VASP: variants seen among roughly 807,000 people sequenced by gnomAD.
VASP encodes the protein vasodilator stimulated phosphoprotein, also known as vasodilator-stimulated phosphoprotein.
A neutral mutation model predicts 54.4 loss-of-function variants in VASP; 27 were observed. The ratio of observed to expected loss-of-function variants is 0.50; its 90% confidence interval spans 0.37 to 0.68. The LOEUF (loss-of-function observed/expected upper bound fraction) is 0.68. Ranked by LOEUF, VASP falls within the 30% of genes least tolerant of loss-of-function variation. The pLI is 0.00. For synonymous variants in VASP, 233 were observed against 209.8 expected (o/e 1.11, Z -0.96); for missense variants, 488 against 528.3 (o/e 0.92, Z 0.75).
intron 11 of VASP, 30 bp from the exon 12 acceptor site, chr19:45,525,916 T>A: frequency 6.2e-7 from 1 of 1,600,546 alleles, no homozygotes; most frequent in Non-Finnish European, 8.5e-7. Flanking sequence ...CGGTACCCCC[T>A]CCTGATTAGT....
rs906334210 is a variant in VASP, at chr19:45,526,288, C to T, written c.*111C>T. 1.6e-5 allele frequency: 21 copies of T among 1,291,472 alleles called. No homozygotes were observed. Among genetic ancestry groups the T allele is most frequent in the South Asian group, 1.2e-4 (8 of 65,900 alleles). 80.0% of individuals were successfully genotyped at this position (1,291,472 alleles called of 1,614,324 possible). On this transcript the variant is annotated 3_prime_UTR_variant, in exon 13 of 13. Transcript: ENST00000245932. ...GGCTGAAGACTACACAGGAATGCAT[C>T]GTTCCCACTCCCCATCCCACTTGGA...
At position 45,517,846 on chromosome 19, in the gene VASP, C is replaced by T. The variant is rs372063232; in HGVS notation, c.177+12C>T. 4.0e-4 allele frequency: 645 copies of T among 1,611,750 alleles called. 1 individual carries two copies. In the African/African-American group the frequency reaches 5.2e-3, roughly 13 times the overall value. ...AGCCCGACCAGCAGGTGCAGCTTCC[C>T]GCCGGCCCCCTCTGTGGGCTGAACC... is the stretch of plus-strand genomic sequence containing the variant. On this transcript the variant is annotated intron_variant, in intron 2 of 12. Coordinates refer to ENST00000245932, the MANE Select transcript of VASP (RefSeq NM_003370.4).
rs571015875 is a variant in VASP, at chr19:45,517,761, G to T, written c.104G>T (p.Arg35Leu). Residue 35 changes from arginine (R) to leucine (L), a missense_variant, in exon 2 of 13, where the codon CGC (arginine) becomes CTC (leucine). By Grantham distance (102) the Arg-to-Leu change is moderately radical. Transcript: ENST00000245932. ...PAGTGPQAFS[R>L]VQIYHNPTAN... ...GGCACGGGTCCCCAGGCCTTCAGCC[G>T]CGTCCAGATCTACCACAACCCCACG... The T allele has an allele frequency of 6.2e-7, 1 of 1,613,552 alleles. No individual in the cohort carries two copies. The highest frequency in any genetic ancestry group is 8.5e-7 in the Non-Finnish European group (1 of 1,180,028).
chr19:45,517,091 G>C (rs1968719350), intron 1 of VASP, among the ~76,000 whole-genome samples: 1 of 150,732 alleles, frequency 6.6e-6, no homozygotes, highest in Admixed American at 6.6e-5. Context: ...TCAGGAGGTC[G>C]AGGCCACATT....
At chr19:45,525,924 A>G (rs764818279) in intron 11 of VASP, 22 bp from the exon 12 acceptor site, 2 of 1,603,424 alleles carry the variant, frequency 1.2e-6, no homozygotes, top group Non-Finnish European at 1.7e-6. Context: ...CCTCCTGATT[A>G]GTTTTACCCC....
At chr19:45,522,862 C>A in intron 7 of VASP, 44 bp downstream of exon 7, 1 of 1,558,012 alleles carries the variant, frequency 6.4e-7, no homozygotes, top group South Asian at 1.2e-5. Context: ...AGTTCCAGTT[C>A]AGTAGGGCCC....
At chr19:45,510,532 G>A (rs1486008193) in intron 1 of VASP, among the ~76,000 whole-genome samples, 1 of 152,004 alleles carries the variant, frequency 6.6e-6, no homozygotes, top group Non-Finnish European at 1.5e-5. Flanking sequence ...GGCCCCTCAT[G>A]GCAGTTCGAA....
rs971515672 is a variant in VASP at position 45,521,217 on chromosome 19, C to T, written c.344-105C>T. ...AGGGCCTCTGGAAGGAGGAAGTGAG[C>T]GCCTCTGGGCAGGATTCCTGGGAGG... On this transcript the variant is annotated intron_variant, in intron 3 of 12. Coordinates refer to ENST00000245932, the MANE Select transcript of VASP (RefSeq NM_003370.4). 250 of 1,142,576 alleles carry T rather than the reference C, an allele frequency of 2.2e-4. 1 individual carries two copies. In the Admixed American group the frequency reaches 3.3e-3, roughly 15 times the overall value. 70.8% of individuals were successfully genotyped at this position (1,142,576 alleles called of 1,614,324 possible). A position where few individuals can be genotyped will look rare whatever the true frequency, so the allele number is the denominator to read the frequency against.
At position 45,526,145 on chromosome 19, in the gene VASP, G is replaced by C. The variant is rs144238584; in HGVS notation, c.1111G>C (p.Val371Leu). The change falls in exon 13 of 13, where the codon GTC (valine) becomes CTC (leucine). Residue 371 changes from valine (V) to leucine (L), a missense_variant. Val to Leu is a conservative substitution (Grantham distance 32, BLOSUM62 1). This residue lies in a region of VASP where 126 missense variants were observed against 134.8 expected (regional missense o/e 0.94). Transcript: ENST00000245932. The part of the protein sequence containing the change: ...KVKEEIIEAF[V>L]QELRKRGSP ...TGCTCCTTGTTTCCTTCCAGCCTTC[G>C]TCCAGGAGCTGAGGAAGCGGGGTTC... 47 of 1,613,682 alleles carry C rather than the reference G, an allele frequency of 2.9e-5. No individual in the cohort carries two copies. The African/African-American group carries it at 5.7e-4, about 20-fold the overall frequency.
chr19:45,523,040 A>AGGAGATCC lies in VASP; in HGVS notation c.821+223_821+230dup, dbSNP rs1487317492. On this transcript the variant is annotated intron_variant, in intron 7 of 12. Transcript: ENST00000245932. ...CTAAAACCCAGAATTCTAGAACCGTAGGAGATCCTGCCTCAGAATTCTGGG... is the reference window on the plus strand; with the variant it reads ...CTAAAACCCAGAATTCTAGAACCGTAGGAGATCCGGAGATCCTGCCTCAGAATTCTGGG... Among the ~76,000 whole-genome samples, 6 of 152,264 alleles carry AGGAGATCC rather than the reference A, an allele frequency of 3.9e-5. No homozygotes were observed. In the East Asian group the frequency reaches 1.2e-3, roughly 29 times the overall value.
chr19:45,524,822 C>T (rs1968924511), intron 11 of VASP, 162 bp downstream of exon 11: 3 of 639,260 alleles, frequency 4.7e-6, no homozygotes, highest in South Asian at 1.8e-5. Flanking sequence ...GACTCCACAC[C>T]CCCTTTTCTG....
intron 11 of VASP, 81 bp downstream of exon 11, chr19:45,524,741 G>A (rs1451916857): frequency 1.5e-6 from 2 of 1,377,246 alleles, no homozygotes; most frequent in African/African-American, 2.9e-5. Context: ...TATGATCCTA[G>A]ATAACATCTC....
rs1968515500 is a variant in VASP at position 45,507,750 on chromosome 19, G to GCCGC, written c.-12_-9dup. The GCCGC allele has an allele frequency of 2.6e-6, 4 of 1,510,726 alleles. No individual in the cohort carries two copies. Among genetic ancestry groups the GCCGC allele is most frequent in the Non-Finnish European group, 3.5e-6 (4 of 1,136,752 alleles). The allele number at this position is 1,510,726 out of a possible 1,614,324, so 93.6% of individuals were successfully genotyped here. ...CCGGGAGCAGCCAGCCCGTGGGCGA[G>GCCGC]CCGCCCGCCCGCCGAGCAGCCATGA... On this transcript the variant is annotated 5_prime_UTR_variant, in exon 1 of 13. Coordinates refer to ENST00000245932, the MANE Select transcript of VASP (RefSeq NM_003370.4). The surrounding 1 kb of genome is among the most constrained non-coding windows in gnomAD (Gnocchi z 4.4).
intron 3 of VASP, among the ~76,000 whole-genome samples, chr19:45,520,676 G>A (rs1379952801): frequency 6.6e-6 from 1 of 152,160 alleles, no homozygotes; most frequent in Non-Finnish European, 1.5e-5. Flanking sequence ...TTAAGAGCTA[G>A]CCAGGGGCCA....
intron 3 of VASP, among the ~76,000 whole-genome samples, chr19:45,519,272 C>T (rs560476066): frequency 6.6e-6 from 1 of 152,198 alleles, no homozygotes; most frequent in Middle Eastern, 3.4e-3. Flanking sequence ...CCTAGGCCTC[C>T]CAGAGTGCTG....
chr19:45,508,046 CTT>C (rs1055643305), intron 1 of VASP, among the ~76,000 whole-genome samples: 1 of 151,736 alleles, frequency 6.6e-6, no homozygotes, highest in Non-Finnish European at 1.5e-5. Context: ...ATTGTTAAGA[CTT>C]TTTTTAGAGG....
At chr19:45,520,945 CAG>C (rs549139818) in intron 3 of VASP, among the ~76,000 whole-genome samples, 5 of 152,186 alleles carry the variant, frequency 3.3e-5, no homozygotes, top group Non-Finnish European at 5.9e-5. Context: ...GCCTGGGTGA[CAG>C]AGTGAGACTC....
intron 3 of VASP, 146 bp downstream of exon 3, chr19:45,518,240 T>C: frequency 7.9e-7 from 1 of 1,264,710 alleles, no homozygotes; most frequent in Non-Finnish European, 1.1e-6. Flanking sequence ...TAGCATTTTG[T>C]GCATTCCAGT....
chr19:45,513,581 C>T (rs1008583276), intron 1 of VASP, among the ~76,000 whole-genome samples: 1 of 151,362 alleles, frequency 6.6e-6, no homozygotes, highest in African/African-American at 2.4e-5. Context: ...GATTCCCCTG[C>T]CTCAGCCTCC....
Sources: gnomAD v4.1 joint callset for allele counts (sites outside exome capture counted in the v4.1 genomes callset) on GRCh38, gnomAD v4.1.1 for gene constraint, gnomAD v4.1.1 regional missense constraint, Gnocchi (gnomAD v3.1) non-coding constraint, MANE v1.5 for transcripts, NCBI Gene and HGNC (gene_info 2026-07-23, HGNC 2026-07-21) for gene names.